The following PARD3 variants were observed in gnomAD, a reference collection of about 807,000 sequenced individuals.
The protein encoded by PARD3 is partitioning defective 3 homolog.
Under a neutral mutation model 155.4 loss-of-function variants are expected in PARD3, and 75 were observed. The observed-to-expected ratio is 0.48, with a 90% CI of 0.40 to 0.58. The LOEUF is 0.58. Ranked by LOEUF, PARD3 falls within the 20% of genes least tolerant of loss-of-function variation. The pLI is 0.00. For synonymous variants in PARD3, 576 were observed against 610.5 expected (o/e 0.94, Z 0.83); for missense variants, 1,642 against 1,721.7 (o/e 0.95, Z 0.82).
chr10:34,596,539 T>G (rs2089278193), intron 2 of PARD3, among the ~76,000 whole-genome samples: 1 of 152,154 alleles, frequency 6.6e-6, no homozygotes, highest in African/African-American at 2.4e-5. Context: ...CCACCAGATC[T>G]CGCAAGAACT....
At chr10:34,356,092 A>G (rs1193197863) in intron 14 of PARD3, among the ~76,000 whole-genome samples, 1 of 152,150 alleles carries the variant, frequency 6.6e-6, no homozygotes, top group African/African-American at 2.4e-5. Context: ...CATAGGAGAC[A>G]CTTTGAGAAT....
chr10:34,593,805 G>C (rs554122383), intron 2 of PARD3, among the ~76,000 whole-genome samples: 1 of 152,128 alleles, frequency 6.6e-6, no homozygotes, highest in Non-Finnish European at 1.5e-5. Context: ...ATTTAAATTT[G>C]GTAAAAACTT....
chr10:34,231,038 AAC>A (rs1424737742), intron 22 of PARD3, among the ~76,000 whole-genome samples: 2 of 152,002 alleles, frequency 1.3e-5, no homozygotes, highest in Admixed American at 6.5e-5. Context: ...TAAAAAAGAA[AAC>A]CCCAACTGAA....
intron 1 of PARD3, among the ~76,000 whole-genome samples, chr10:34,731,934 T>G (rs2094825791): frequency 6.6e-6 from 1 of 152,190 alleles, no homozygotes; most frequent in Non-Finnish European, 1.5e-5. Context: ...TTCTCAGAAT[T>G]GATAGGACAA....
intron 3 of PARD3, among the ~76,000 whole-genome samples, chr10:34,500,840 GAA>G (rs2080647433): frequency 6.6e-6 from 1 of 152,132 alleles, no homozygotes; most frequent in South Asian, 2.1e-4. Context: ...CATACAGAAG[GAA>G]AGAGGAGAGC....
intron 22 of PARD3, among the ~76,000 whole-genome samples, chr10:34,222,916 T>A (rs1418735745): frequency 6.6e-6 from 1 of 152,174 alleles, no homozygotes; most frequent in Non-Finnish European, 1.5e-5. Flanking sequence ...CCGGCTCTCC[T>A]CTCACCTCTC....
chr10:34,240,754 T>C (rs1953532592), intron 22 of PARD3, among the ~76,000 whole-genome samples: 1 of 152,112 alleles, frequency 6.6e-6, no homozygotes, highest in African/African-American at 2.4e-5. Context: ...AACCTCCCCC[T>C]TCCTGTCTCC....
chr10:34,165,281 C>T (rs779809039), intron 22 of PARD3, among the ~76,000 whole-genome samples: 1 of 152,162 alleles, frequency 6.6e-6, no homozygotes, highest in Non-Finnish European at 1.5e-5. Flanking sequence ...TCACATCCAT[C>T]CCTTCAGTAG....
At chr10:34,153,222 C>T (rs1189631418) in intron 22 of PARD3, among the ~76,000 whole-genome samples, 2 of 152,158 alleles carry the variant, frequency 1.3e-5, no homozygotes, top group African/African-American at 2.4e-5. Flanking sequence ...GCAATCCTCC[C>T]ACCTCAGCCT....
intron 2 of PARD3, among the ~76,000 whole-genome samples, chr10:34,518,649 T>C (rs1168546739): frequency 2.6e-5 from 4 of 152,042 alleles, no homozygotes; most frequent in African/African-American, 9.7e-5. Context: ...AACAAATAAA[T>C]GGTAGAGAAT....
At chr10:34,409,362 A>G (rs148998535) in intron 5 of PARD3, among the ~76,000 whole-genome samples, 1 of 152,306 alleles carries the variant, frequency 6.6e-6, no homozygotes, top group African/African-American at 2.4e-5. Flanking sequence ...GCATGGAGGA[A>G]TCTTCTTGGA....
intron 24 of PARD3, among the ~76,000 whole-genome samples, chr10:34,113,143 T>C (rs1393807740): frequency 6.6e-6 from 1 of 152,222 alleles, no homozygotes; most frequent in Non-Finnish European, 1.5e-5. Context: ...TTTTATGAGT[T>C]ATCAGTTTGA....
At chr10:34,325,617 G>T (rs1834929836) in intron 19 of PARD3, among the ~76,000 whole-genome samples, 1 of 151,908 alleles carries the variant, frequency 6.6e-6, no homozygotes, top group African/African-American at 2.4e-5. Context: ...CCACTGGGTT[G>T]AATCATCCCC....
intron 5 of PARD3, among the ~76,000 whole-genome samples, chr10:34,423,736 T>C (rs1009895990): frequency 6.6e-6 from 1 of 152,166 alleles, no homozygotes; most frequent in African/African-American, 2.4e-5. Flanking sequence ...GCTAGTAATG[T>C]TATTACTATT....
At chr10:34,210,221 G>A (rs1564484516) in intron 22 of PARD3, among the ~76,000 whole-genome samples, 1 of 151,074 alleles carries the variant, frequency 6.6e-6, no homozygotes, top group Non-Finnish European at 1.5e-5. Flanking sequence ...CACATGTATT[G>A]TACATGTATG....
chr10:34,274,412 T>C (rs1257379276), intron 21 of PARD3, among the ~76,000 whole-genome samples: 4 of 152,194 alleles, frequency 2.6e-5, no homozygotes, highest in African/African-American at 9.6e-5. Context: ...CACCATAATG[T>C]CTTTTTGACT....
At chr10:34,476,528 A>T (rs1051046493) in intron 3 of PARD3, among the ~76,000 whole-genome samples, 32 of 152,150 alleles carry the variant, frequency 2.1e-4, no homozygotes, top group Non-Finnish European at 2.2e-4. Flanking sequence ...CACGCTAAGA[A>T]CCACTGGCCT....
intron 19 of PARD3, among the ~76,000 whole-genome samples, chr10:34,325,129 C>A (rs1331776801): frequency 6.6e-6 from 1 of 152,050 alleles, no homozygotes; most frequent in African/African-American, 2.4e-5. Flanking sequence ...CATGCCTCAG[C>A]CTCCGAAGTA....
intron 2 of PARD3, among the ~76,000 whole-genome samples, chr10:34,580,951 A>T (rs917566191): frequency 2.6e-5 from 4 of 152,194 alleles, no homozygotes; most frequent in Admixed American, 6.5e-5. Context: ...CTAACACATT[A>T]ATCATTTAAT....
Sources: allele counts gnomAD v4.1 joint callset (sites outside exome capture counted in the v4.1 genomes callset), GRCh38; gene constraint gnomAD v4.1.1; transcripts MANE v1.5; gene names NCBI Gene and HGNC (gene_info 2026-07-23, HGNC 2026-07-21).